Variants in PLXNA4 observed in about 807,000 individuals in gnomAD.
PLXNA4 encodes plexin A4.
A neutral mutation model predicts 191.8 loss-of-function variants in PLXNA4; 44 were observed. That is an observed-to-expected ratio of 0.23 (90% confidence interval 0.18 to 0.29). The LOEUF (loss-of-function observed/expected upper bound fraction) is 0.29. Among genes scored for constraint, PLXNA4 ranks in the 10% least tolerant of loss-of-function variants. The pLI is 1.00. For missense variants in PLXNA4, 1,800 were observed against 2,488.8 expected (o/e 0.72, Z 5.89); for synonymous variants, 1,082 against 1,009.5 (o/e 1.07, Z -1.36).
At chr7:132,337,518 G>A (rs75550029) in intron 3 of PLXNA4, among the ~76,000 whole-genome samples, 2,112 of 152,302 alleles carry the variant, frequency 0.014, 65 homozygotes, top group African/African-American at 0.048. Flanking sequence ...TCGTATAAAT[G>A]CCACCAGTAA....
At chr7:132,346,215 T>C (rs938814886) in intron 3 of PLXNA4, among the ~76,000 whole-genome samples, 3 of 152,206 alleles carry the variant, frequency 2.0e-5, no homozygotes, top group Non-Finnish European at 2.9e-5. Context: ...GCTAACTTCA[T>C]GGGATGGTTG....
chr7:132,135,605 C>A (rs1446198964), intron 30 of PLXNA4, among the ~76,000 whole-genome samples: 1 of 152,192 alleles, frequency 6.6e-6, no homozygotes, highest in Non-Finnish European at 1.5e-5. Flanking sequence ...CAGTGTCTTG[C>A]CTCATGGTAG....
chr7:132,324,448 G>A (rs575738145), intron 3 of PLXNA4, among the ~76,000 whole-genome samples: 1 of 152,170 alleles, frequency 6.6e-6, no homozygotes, highest in Admixed American at 6.5e-5. Context: ...CAAATTTTGA[G>A]CTTGTAATAC....
At chr7:132,459,453 A>G (rs1334164405) in intron 3 of PLXNA4, among the ~76,000 whole-genome samples, 1 of 152,216 alleles carries the variant, frequency 6.6e-6, no homozygotes, top group Non-Finnish European at 1.5e-5. Context: ...ACCCCAGGGA[A>G]AGACCAAAGA....
At chr7:132,605,829 A>C (rs1460377969) in intron 2 of PLXNA4, among the ~76,000 whole-genome samples, 2 of 152,176 alleles carry the variant, frequency 1.3e-5, no homozygotes, top group Admixed American at 1.3e-4. Context: ...AGAGACCCAC[A>C]GGAAGAACAT....
Position 132,128,132 on chromosome 7 carries a change from C to T in PLXNA4, c.*2347G>A, listed in dbSNP as rs572029270. 9 of 152,212 alleles carry T rather than the reference C, an allele frequency of 5.9e-5. No individual in the cohort carries two copies. The highest frequency in any genetic ancestry group is 3.9e-4 in the Admixed American group (6 of 15,298). The allele number at this position is 152,212 out of a possible 1,614,324, so 9.4% of individuals were successfully genotyped here. A position where few individuals can be genotyped will look rare whatever the true frequency, so the allele number is the denominator to read the frequency against. ...ATATGTGCAAAAATATTGTAGTGAC[C>T]GAGGTACTTCCTCAGACCGTCTCCC... On this transcript the variant is annotated 3_prime_UTR_variant, in exon 32 of 32. Transcript: ENST00000321063.
At chr7:132,387,092 C>T (rs555602135) in intron 3 of PLXNA4, among the ~76,000 whole-genome samples, 2 of 152,334 alleles carry the variant, frequency 1.3e-5, no homozygotes, top group South Asian at 2.1e-4. Context: ...CTGTACCTAT[C>T]TCAGCACAGG....
At chr7:132,136,354 C>T (rs1795112653) in intron 30 of PLXNA4, among the ~76,000 whole-genome samples, 1 of 152,184 alleles carries the variant, frequency 6.6e-6, no homozygotes, top group Non-Finnish European at 1.5e-5. Context: ...GGCCCCTGTG[C>T]TTGAACTTGC....
At chr7:132,517,132 G>C (rs1798973500) in intron 1 of PLXNA4, among the ~76,000 whole-genome samples, 3 of 152,180 alleles carry the variant, frequency 2.0e-5, no homozygotes, top group Non-Finnish European at 2.9e-5. Flanking sequence ...CAATTGTGCA[G>C]GTGGATTGGG....
chr7:132,303,911 G>T (rs1221906874), intron 3 of PLXNA4, among the ~76,000 whole-genome samples: 1 of 152,206 alleles, frequency 6.6e-6, no homozygotes, highest in Non-Finnish European at 1.5e-5. Flanking sequence ...GCCAACTGGA[G>T]TTTAACCAGG....
intron 2 of PLXNA4, among the ~76,000 whole-genome samples, chr7:132,589,351 T>G (rs550992967): frequency 6.6e-6 from 1 of 152,176 alleles, no homozygotes; most frequent in Non-Finnish European, 1.5e-5. Context: ...CTATATATTT[T>G]TATTAATATT....
chr7:132,363,894 G>A (rs1163771800), intron 3 of PLXNA4, among the ~76,000 whole-genome samples: 1 of 152,266 alleles, frequency 6.6e-6, no homozygotes, highest in Non-Finnish European at 1.5e-5. Context: ...TATGGCCTGG[G>A]CCTGGCCAGG....
chr7:132,200,613 C>T (rs1181441191), intron 12 of PLXNA4, among the ~76,000 whole-genome samples: 4 of 152,330 alleles, frequency 2.6e-5, no homozygotes, highest in African/African-American at 2.4e-5. Flanking sequence ...GCATGGGGCA[C>T]ATGTTGAGGG....
chr7:132,413,606 C>A (rs142498089), intron 3 of PLXNA4, among the ~76,000 whole-genome samples: 1 of 152,322 alleles, frequency 6.6e-6, no homozygotes, highest in African/African-American at 2.4e-5. Flanking sequence ...TTCAATGGTG[C>A]CTTACAAATG....
chr7:132,378,915 G>A (rs1041334918), intron 3 of PLXNA4, among the ~76,000 whole-genome samples: 1 of 147,716 alleles, frequency 6.8e-6, no homozygotes, highest in Non-Finnish European at 1.5e-5. Context: ...GCAATGGCGC[G>A]ATCTTGGCTC....
intron 2 of PLXNA4, among the ~76,000 whole-genome samples, chr7:132,494,925 G>A (rs956206760): frequency 1.3e-5 from 2 of 152,170 alleles, no homozygotes; most frequent in East Asian, 1.9e-4. Context: ...TAGTCTCTGT[G>A]GAGACTCCCT....
chr7:132,566,844 C>G (rs1015997598), intron 1 of PLXNA4, among the ~76,000 whole-genome samples: 1 of 152,156 alleles, frequency 6.6e-6, no homozygotes, highest in African/African-American at 2.4e-5. Flanking sequence ...TTCTGGGAGT[C>G]TCAAAAGCAA....
intron 3 of PLXNA4, among the ~76,000 whole-genome samples, chr7:132,441,968 T>A (rs1795715660): frequency 6.6e-6 from 1 of 152,064 alleles, no homozygotes; most frequent in Admixed American, 6.6e-5. Flanking sequence ...CAATGCTCGG[T>A]CAAAATCACA....
rs1190638825 is a variant in PLXNA4, at chr7:132,127,327, G to A, written c.*3152C>T. On this transcript the variant is annotated 3_prime_UTR_variant, in exon 32 of 32. Coordinates refer to ENST00000321063, the MANE Select transcript of PLXNA4 (RefSeq NM_020911.2). ...TGACCCTACAAATTAACTTTGCCTC[G>A]AGGGAGGCCGTGAAGGGGCCTCCAT... The A allele has an allele frequency of 6.6e-6, 1 of 151,958 alleles. No homozygotes were observed. The highest frequency in any genetic ancestry group is 6.6e-5 in the Admixed American group (1 of 15,252). The allele number at this position is 151,958 out of a possible 1,614,324, so 9.4% of individuals were successfully genotyped here. A position where few individuals can be genotyped will look rare whatever the true frequency, so the allele number is the denominator to read the frequency against.
Sources: allele counts gnomAD v4.1 joint callset (sites outside exome capture counted in the v4.1 genomes callset), GRCh38; gene constraint gnomAD v4.1.1; transcripts MANE v1.5; gene names NCBI Gene and HGNC (gene_info 2026-07-23, HGNC 2026-07-21).